DOCK2: variants seen among roughly 807,000 people sequenced by gnomAD.
DOCK2 encodes dedicator of cytokinesis protein 2.
DOCK2 carries 87 observed loss-of-function variants against 248.9 expected under a neutral mutation model. The observed-to-expected ratio is 0.35, with a 90% CI of 0.29 to 0.42. The LOEUF (loss-of-function observed/expected upper bound fraction) is 0.42, where lower values mean the gene tolerates loss of function less well. DOCK2 is among the 10% of genes least tolerant of loss of function. DOCK2 has a pLI of 1.00. For missense variants in DOCK2, 1,747 were observed against 2,300.2 expected (o/e 0.76, Z 4.92); for synonymous variants, 805 against 821.6 (o/e 0.98, Z 0.35).
intron 3 of DOCK2, 111 bp downstream of exon 3, chr5:169,669,439 C>T (rs1272162445): frequency 5.8e-6 from 7 of 1,205,782 alleles, no homozygotes; most frequent in Non-Finnish European, 8.6e-6. Flanking sequence ...GGGAATCCAT[C>T]TCTCCCTCCT....
At chr5:169,646,027 G>A (rs528686680) in intron 1 of DOCK2, among the ~76,000 whole-genome samples, 1 of 152,272 alleles carries the variant, frequency 6.6e-6, no homozygotes, top group Admixed American at 6.5e-5. Flanking sequence ...GGGATTACAG[G>A]CATGAGCCAC....
In DOCK2 at chr5:169,882,482, G is replaced by A. The variant is rs1772711908; in HGVS notation, c.2799+41630G>A. On this transcript the variant is annotated intron_variant, in intron 27 of 51. Coordinates refer to ENST00000520908, the MANE Select transcript of DOCK2 (RefSeq NM_004946.3). ...GACATTTTTACTAAAAGAAACCAAA[G>A]CTGTCTCTGCCCCTGTGTTGGCAAA... 112 of 1,303,830 alleles carry A rather than the reference G, an allele frequency of 8.6e-5. 2 individuals are homozygous for A. The South Asian group carries it at 1.7e-3, about 19-fold the overall frequency. 80.8% of individuals were successfully genotyped at this position (1,303,830 alleles called of 1,614,324 possible).
intron 2 of DOCK2, among the ~76,000 whole-genome samples, chr5:169,658,980 C>CATTATTATTATTATTATT (rs200506411): frequency 4.4e-5 from 6 of 136,260 alleles, no homozygotes; most frequent in African/African-American, 1.4e-4. Context: ...TACAAGACTG[C>CATTATTATTATTATTATT]ATTATTATTA....
intron 50 of DOCK2, 122 bp downstream of exon 50, chr5:170,080,405 G>A: frequency 2.7e-6 from 4 of 1,474,198 alleles, no homozygotes; most frequent in Non-Finnish European, 3.7e-6. Flanking sequence ...CCTGGAGTGA[G>A]AGGCTCTGCT....
At chr5:170,046,028 G>A (rs534690116) in intron 39 of DOCK2, 123 bp downstream of exon 39, 63 of 851,436 alleles carry the variant, frequency 7.4e-5, no homozygotes, top group South Asian at 2.7e-4. Flanking sequence ...GAAAATGAAC[G>A]GAAGTAGGAC....
intron 15 of DOCK2, among the ~76,000 whole-genome samples, chr5:169,710,043 G>A (rs1581074690): frequency 6.6e-6 from 1 of 152,338 alleles, no homozygotes; most frequent in Non-Finnish European, 1.5e-5. Flanking sequence ...AACAACATAT[G>A]AGAATATATT....
At chr5:169,637,415 G>A in intron 1 of DOCK2, 46 bp downstream of exon 1, 1 of 1,316,522 alleles carries the variant, frequency 7.6e-7, no homozygotes, top group Non-Finnish European at 9.7e-7. Flanking sequence ...ACAGGTGGCG[G>A]GAGAGCCGCG....
At chr5:169,713,105 C>G (rs907624879) in intron 17 of DOCK2, among the ~76,000 whole-genome samples, 7 of 152,228 alleles carry the variant, frequency 4.6e-5, no homozygotes, top group African/African-American at 1.7e-4. Flanking sequence ...CTCTGAGTCT[C>G]TCTGACTTTT....
chr5:169,842,954 C>T (rs1316525791), intron 27 of DOCK2, among the ~76,000 whole-genome samples: 2 of 152,164 alleles, frequency 1.3e-5, no homozygotes, highest in Non-Finnish European at 2.9e-5. Flanking sequence ...GGACACTCCC[C>T]TACTCTGGAA....
rs1400969417 is a variant in DOCK2, at chr5:169,717,403, T to A, written c.2051T>A (p.Ile684Asn). Residue 684 changes from isoleucine (I) to asparagine (N), a missense_variant, in exon 21 of 52, where the codon ATT becomes AAT. Ile to Asn is a moderately radical substitution (Grantham distance 149). Coordinates refer to ENST00000520908, the MANE Select transcript of DOCK2 (RefSeq NM_004946.3). ...CCTCAGATTTACATAATAGGACTCA[T>A]TGCAGACCGGAAATTTCAGCATTTC... Reference protein sequence around the residue: ...FDALIYIIGLIADRKFQHFNT... With the variant: ...FDALIYIIGLNADRKFQHFNT... 1 of 1,613,822 alleles carries A rather than the reference T, an allele frequency of 6.2e-7. No individual in the cohort carries two copies.
chr5:170,030,480 A>G (rs1034125019), intron 34 of DOCK2, among the ~76,000 whole-genome samples: 1 of 152,206 alleles, frequency 6.6e-6, no homozygotes, highest in Non-Finnish European at 1.5e-5. Flanking sequence ...AATATTAATT[A>G]TTAGTAGTAC....
In DOCK2 at chr5:170,077,815, C is replaced by G. The variant is rs532020923; in HGVS notation, c.4972C>G (p.Pro1658Ala). 218 of 1,613,530 alleles carry G rather than the reference C, an allele frequency of 1.4e-4. 1 individual carries two copies. The South Asian group carries it at 2.2e-3, about 16-fold the overall frequency. The change falls in exon 48 of 52, where the codon CCC becomes GCC. Residue 1658 changes from proline to alanine, a missense_variant. Pro to Ala is a conservative substitution (Grantham distance 27, BLOSUM62 -1). Around this residue, in one of 4 missense-constraint regions of DOCK2, gnomAD observed 513 missense variants for 586.1 expected, o/e 0.88. Transcript: ENST00000520908. ...LASMNSDCST[P>A]SKPTSESFDL... ...TTCCATGAATTCTGACTGCAGCACC[C>G]CCAGCAAGCCTACCTCAGAGAGGTC...
Position 169,735,457 on chromosome 5 carries a change from A to G in DOCK2, c.2268-11939A>G, listed in dbSNP as rs543369148. On this transcript the variant is annotated intron_variant, in intron 22 of 51. Transcript: ENST00000520908. Reference sequence around the variant, plus strand: ...TATTTATCTTTCCTGTGTCCTCTCAAGCATCACTTTCTCAGGGAATCTATC... The same window carrying G: ...TATTTATCTTTCCTGTGTCCTCTCAGGCATCACTTTCTCAGGGAATCTATC... Among the ~76,000 whole-genome samples the G allele has an allele frequency of 1.5e-4, 23 of 152,240 alleles. No homozygotes were observed. The East Asian group carries it at 4.4e-3, about 29-fold the overall frequency.
At chr5:169,699,988 C>T (rs1229386078) in intron 12 of DOCK2, 26 bp from the exon 13 acceptor site, 3 of 1,612,278 alleles carry the variant, frequency 1.9e-6, no homozygotes, top group Non-Finnish European at 2.5e-6. Flanking sequence ...AAAGTGGGCT[C>T]TTCACGGTGA....
At position 170,077,855 on chromosome 5, in the gene DOCK2, A is replaced by C; in HGVS notation, c.4994+18A>C. 1 of 1,607,226 alleles carries C rather than the reference A, an allele frequency of 6.2e-7. No individual in the cohort carries two copies. Among genetic ancestry groups the C allele is most frequent in the Non-Finnish European group, 8.5e-7 (1 of 1,177,842 alleles). ...TCAGAGAGGTCAGTCCCTGCACCCC[A>C]AGGAGCCCCCCACACCCCTGCCTCC... On this transcript the variant is annotated intron_variant, in intron 48 of 51. Transcript: ENST00000520908.
intron 49 of DOCK2, 85 bp from the exon 50 acceptor site, chr5:170,080,078 C>G (rs530625000): frequency 1.3e-6 from 2 of 1,584,428 alleles, no homozygotes; most frequent in Non-Finnish European, 1.7e-6. Context: ...ACGCCCTCCT[C>G]ACTGATCTTT....
chr5:169,849,925 C>A (rs534072050), intron 27 of DOCK2, among the ~76,000 whole-genome samples: 5 of 152,378 alleles, frequency 3.3e-5, no homozygotes, highest in African/African-American at 1.2e-4. Flanking sequence ...TGTCAATGAA[C>A]ACCTGCTAAA....
At chr5:169,712,455 G>C (rs747359328) in intron 17 of DOCK2, among the ~76,000 whole-genome samples, 4 of 152,192 alleles carry the variant, frequency 2.6e-5, no homozygotes, top group Non-Finnish European at 4.4e-5. Flanking sequence ...ACATAGCAAT[G>C]ATGAGTACAT....
intron 8 of DOCK2, among the ~76,000 whole-genome samples, chr5:169,688,871 G>C (rs974217649): frequency 6.6e-6 from 1 of 152,126 alleles, no homozygotes; most frequent in African/African-American, 2.4e-5. Context: ...GGGCCGGAAA[G>C]GGTAAATATA....
Sources: allele counts gnomAD v4.1 joint callset (sites outside exome capture counted in the v4.1 genomes callset), GRCh38; gene constraint gnomAD v4.1.1; regional missense constraint gnomAD v4.1.1; transcripts MANE v1.5; gene names NCBI Gene and HGNC (gene_info 2026-07-23, HGNC 2026-07-21).